EPS15: variants seen among roughly 807,000 people sequenced by gnomAD.
EPS15 encodes the protein epidermal growth factor receptor pathway substrate 15, also known as epidermal growth factor receptor substrate 15.
Under a neutral mutation model 113.8 loss-of-function variants are expected in EPS15, and 72 were observed. The ratio of observed to expected loss-of-function variants is 0.63; its 90% CI spans 0.52 to 0.77. The LOEUF is 0.77. EPS15 is among the 30% of genes least tolerant of loss of function. The probability of loss-of-function intolerance (pLI) is 0.00; values close to 1 mark genes in which losing one functional copy is unlikely to be tolerated. For missense variants in EPS15, 1,048 were observed against 1,045.8 expected (o/e 1.00, Z -0.03); for synonymous variants, 344 against 363.4 (o/e 0.95, Z 0.61).
At chr1:51,489,245 TTAC>T (rs899697560) in intron 1 of EPS15, among the ~76,000 whole-genome samples, 10 of 150,180 alleles carry the variant, frequency 6.7e-5, no homozygotes, top group Admixed American at 2.7e-4. Context: ...ATAATAAACT[TTAC>T]TAAGAAAAAA....
Position 51,463,799 on chromosome 1 carries a change from C to A in EPS15, c.376-1G>T, listed in dbSNP as rs1654647750. 6.4e-7 allele frequency: 1 copy of A among 1,568,068 alleles called. No homozygotes were observed. The highest frequency in any genetic ancestry group is 8.7e-7 in the Non-Finnish European group (1 of 1,154,248). On this transcript the variant is annotated splice_acceptor_variant, in intron 6 of 24. Transcript: ENST00000371733. LOFTEE classifies it high-confidence loss of function. Reference sequence around the variant, plus strand: ...CATCATATTTGGCCTTATCTTCAGGCTACAATAAAAAACAAAATCACAAGT... The same window carrying A: ...CATCATATTTGGCCTTATCTTCAGGATACAATAAAAAACAAAATCACAAGT...
intron 1 of EPS15, among the ~76,000 whole-genome samples, chr1:51,497,142 A>G (rs1644337820): frequency 6.6e-6 from 1 of 152,230 alleles, no homozygotes; most frequent in Non-Finnish European, 1.5e-5. Context: ...TTAAAATTCA[A>G]CTTCATGTAG....
intron 15 of EPS15, among the ~76,000 whole-genome samples, chr1:51,407,336 T>C (rs1649223976): frequency 6.6e-6 from 1 of 152,168 alleles, no homozygotes; most frequent in South Asian, 2.1e-4. Flanking sequence ...TAGCTGGAAT[T>C]ACAGGCAGGT....
rs1486660209 is a variant in EPS15 at position 51,481,275 on chromosome 1, GTC to G, written c.71_72del (p.Arg24ThrfsTer3). 2 of 1,363,184 alleles carry G rather than the reference GTC, an allele frequency of 1.5e-6. No individual in the cohort carries two copies. The highest frequency in any genetic ancestry group is 2.1e-6 in the Non-Finnish European group (2 of 954,676). The allele number at this position is 1,363,184 out of a possible 1,614,324, so 84.4% of individuals were successfully genotyped here. A position where few individuals can be genotyped will look rare whatever the true frequency, so the allele number is the denominator to read the frequency against. On this transcript the variant is annotated frameshift_variant, in exon 2 of 25. Transcript: ENST00000371733. LOFTEE classifies it high-confidence loss of function. ...SGNPVYEKYYRQVDTGNTGRV... is the reference protein window; with the variant it reads ...SGNPVYEKYYXQVDTGNTGRV... ...AAACAATGAAACAAAAATCTTACCTGTCTATAGTATTTTTCATATACAGGATT... is the reference window on the plus strand; with the variant it reads ...AAACAATGAAACAAAAATCTTACCTGTATAGTATTTTTCATATACAGGATT...
At chr1:51,435,992 T>C (rs548166311) in intron 12 of EPS15, among the ~76,000 whole-genome samples, 5 of 152,254 alleles carry the variant, frequency 3.3e-5, no homozygotes, top group African/African-American at 9.6e-5. Flanking sequence ...TGGTGGTATG[T>C]TGAAGTAAGA....
rs1646376906 is a variant in EPS15, at chr1:51,361,194, T to C, written c.2521A>G (p.Ser841Gly). 3 of 1,614,034 alleles carry C rather than the reference T, an allele frequency of 1.9e-6. No individual in the cohort carries two copies. The highest frequency in any genetic ancestry group is 2.7e-5 in the African/African-American group (2 of 75,066). Residue 841 changes from serine (S) to glycine (G), a missense_variant, in exon 24 of 25, where the codon AGC becomes GGC. Transcript: ENST00000371733. ...ACAGCACTGAAGTTGGCAAAATTGC[T>C]TGGATCAGCCTCTTTATTGGTAGTG... is the stretch of plus-strand genomic sequence containing the variant. ...TTTTNKEADP[S>G]NFANFSAYPS...
Position 51,357,740 on chromosome 1 carries a change from C to CTT in EPS15, c.2545-896_2545-895dup, listed in dbSNP as rs397978269. Among the ~76,000 whole-genome samples, 880 of 133,042 alleles carry CTT rather than the reference C, an allele frequency of 6.6e-3. 8 individuals are homozygous for CTT. The highest frequency in any genetic ancestry group is 0.023 in the African/African-American group (833 of 36,072). 87.3% of individuals were successfully genotyped at this position (133,042 alleles called of 152,430 possible). A position where few individuals can be genotyped will look rare whatever the true frequency, so the allele number is the denominator to read the frequency against. On this transcript the variant is annotated intron_variant, in intron 24 of 24. Transcript: ENST00000371733. ...AAGCAAGATGTGATTTAAACCTAAT[C>CTT]TTTTTTTTTTTTTTTTGAGACAGAG...
chr1:51,423,598 A>T, intron 12 of EPS15: 3 of 985,400 alleles, frequency 3.0e-6, no homozygotes, highest in Non-Finnish European at 2.4e-6. Context: ...CTGAAAGTAG[A>T]TAATAACAAA....
chr1:51,493,577 T>TAAAA (rs1202618612), intron 1 of EPS15, among the ~76,000 whole-genome samples: 52 of 133,078 alleles, frequency 3.9e-4, no homozygotes, highest in African/African-American at 9.3e-4. Context: ...AATAAATAAA[T>TAAAA]AAAAATAAAG....
At chr1:51,476,830 A>T (rs180825253) in intron 2 of EPS15, among the ~76,000 whole-genome samples, 3 of 152,204 alleles carry the variant, frequency 2.0e-5, no homozygotes, top group African/African-American at 7.2e-5. Context: ...GATAAGCTTT[A>T]TGATGTGCTG....
chr1:51,358,959 C>A (rs1487151841), intron 24 of EPS15, among the ~76,000 whole-genome samples: 1 of 151,978 alleles, frequency 6.6e-6, no homozygotes, highest in Non-Finnish European at 1.5e-5. Flanking sequence ...CCGCTTCGGC[C>A]TTCCAAAGTG....
At chr1:51,470,737 A>G (rs1030622561) in intron 4 of EPS15, among the ~76,000 whole-genome samples, 19 of 152,122 alleles carry the variant, frequency 1.2e-4, no homozygotes, top group African/African-American at 4.1e-4. Flanking sequence ...TGGAAGTACT[A>G]AGGCAACTCA....
chr1:51,487,280 AAT>A (rs750772653), intron 1 of EPS15, among the ~76,000 whole-genome samples: 16 of 152,192 alleles, frequency 1.1e-4, no homozygotes, highest in African/African-American at 2.4e-4. Flanking sequence ...TATTACCAAA[AAT>A]AGTTTGTTTT....
At chr1:51,460,809 C>T (rs562809134) in intron 8 of EPS15, 5 of 296,150 alleles carry the variant, frequency 1.7e-5, no homozygotes, top group African/African-American at 6.8e-5. Context: ...CCAAAATTAG[C>T]TGGGCGTGGT....
intron 21 of EPS15, chr1:51,382,309 T>G (rs1646958425): frequency 1.3e-5 from 2 of 152,094 alleles, no homozygotes; most frequent in Non-Finnish European, 2.9e-5. Flanking sequence ...CTTCCAACAG[T>G]GCTCACTTTA....
chr1:51,388,742 C>A lies in EPS15; in HGVS notation c.2119+5639G>T, dbSNP rs1201483768. Among the ~76,000 whole-genome samples the A allele has an allele frequency of 2.6e-5, 4 of 152,250 alleles. No homozygotes were observed. In the East Asian group the frequency reaches 7.7e-4, roughly 29 times the overall value. ...GAAGAAATGGATAAATTCCTCGACA[C>A]ATACACCCTCCCAAGACTAAACCAG... On this transcript the variant is annotated intron_variant, in intron 21 of 24. Coordinates refer to ENST00000371733, the MANE Select transcript of EPS15 (RefSeq NM_001981.3).
At chr1:51,474,075 GA>G (rs1655429330) in intron 2 of EPS15, among the ~76,000 whole-genome samples, 1 of 152,184 alleles carries the variant, frequency 6.6e-6, no homozygotes, top group Non-Finnish European at 1.5e-5. Context: ...AAACTCTTAT[GA>G]AATCATTATG....
intron 1 of EPS15, among the ~76,000 whole-genome samples, chr1:51,515,737 C>CA (rs1368311466): frequency 4.6e-5 from 7 of 152,082 alleles, no homozygotes; most frequent in African/African-American, 1.7e-4. Context: ...AAAAAAAGAA[C>CA]AAAAAATGTA....
At chr1:51,470,140 A>C (rs1485118568) in intron 4 of EPS15, among the ~76,000 whole-genome samples, 1 of 152,196 alleles carries the variant, frequency 6.6e-6, no homozygotes, top group Non-Finnish European at 1.5e-5. Flanking sequence ...GAAGTGAAAT[A>C]ATTCTGCATT....
Sources: gnomAD v4.1 joint callset for allele counts (sites outside exome capture counted in the v4.1 genomes callset) on GRCh38, gnomAD v4.1.1 for gene constraint, MANE v1.5 for transcripts, NCBI Gene and HGNC (gene_info 2026-07-23, HGNC 2026-07-21) for gene names.